SARNP: variants seen among roughly 807,000 people sequenced by gnomAD.
SARNP encodes the protein SAP domain containing ribonucleoprotein.
Under a neutral mutation model 38.1 loss-of-function variants are expected in SARNP, and 5 were observed. The ratio of observed to expected loss-of-function variants is 0.13; its 90% CI spans 0.07 to 0.28. The LOEUF is 0.28. Among genes scored for constraint, SARNP ranks in the 10% least tolerant of loss-of-function variants. The pLI is 1.00. For synonymous variants in SARNP, 84 were observed against 80.6 expected, an observed-to-expected ratio of 1.04 and a Z score of -0.23; for missense variants, 180 against 243.9, an observed-to-expected ratio of 0.74 and a Z score of 1.75.
chr12:55,759,677 G>A lies in SARNP; in HGVS notation c.591+874C>T, dbSNP rs559813470. 3.3e-5 allele frequency among the ~76,000 whole-genome samples: 5 copies of A among 152,264 alleles called. No homozygotes were observed. In the East Asian group the frequency reaches 7.7e-4, roughly 23 times the overall value. On this transcript the variant is annotated intron_variant, in intron 10 of 10. Coordinates refer to ENST00000336133, the MANE Select transcript of SARNP (RefSeq NM_033082.4). ...GCTGATCTTGAACTCTCGACCTCAG[G>A]TAATCTGCCTGCCTCAGCCTCCCAA...
At chr12:55,794,235 T>A (rs779097377) in intron 7 of SARNP, 124 bp downstream of exon 7, 11 of 860,846 alleles carry the variant, frequency 1.3e-5, no homozygotes, top group Non-Finnish European at 1.9e-5. Context: ...GAGATGAATG[T>A]TACAATCTCT....
chr12:55,794,305 C>T, intron 7 of SARNP, 54 bp downstream of exon 7: 1 of 1,470,278 alleles, frequency 6.8e-7, no homozygotes, highest in Non-Finnish European at 9.5e-7. Context: ...CCTGTTATAC[C>T]AGAAAAGAAA....
chr12:55,771,670 G>A (rs1209491264), intron 9 of SARNP, among the ~76,000 whole-genome samples: 1 of 152,166 alleles, frequency 6.6e-6, no homozygotes, highest in Non-Finnish European at 1.5e-5. Flanking sequence ...GAGCTAAGAT[G>A]TCATATTTCA....
chr12:55,811,478 G>A (rs1880325524), intron 1 of SARNP, among the ~76,000 whole-genome samples: 1 of 151,912 alleles, frequency 6.6e-6, no homozygotes, highest in Admixed American at 6.6e-5. Context: ...AGGGGCTGAG[G>A]TGGATCACTT....
At chr12:55,807,629 C>G (rs1366155598) in intron 1 of SARNP, among the ~76,000 whole-genome samples, 1 of 147,980 alleles carries the variant, frequency 6.8e-6, no homozygotes, top group South Asian at 2.1e-4. Context: ...GGTGAAACCC[C>G]GTCTCTACTA....
intron 4 of SARNP, among the ~76,000 whole-genome samples, chr12:55,798,429 C>CG (rs1879881019): frequency 6.6e-6 from 1 of 152,134 alleles, no homozygotes; most frequent in African/African-American, 2.4e-5. Flanking sequence ...AGCCGGGAAA[C>CG]GGAGGTTGCA....
intron 1 of SARNP, 47 bp from the exon 2 acceptor site, chr12:55,803,775 C>A: frequency 4.8e-6 from 6 of 1,262,304 alleles, no homozygotes; most frequent in Non-Finnish European, 6.9e-6. Context: ...AGGATGAACA[C>A]CAGTGAATAA....
Position 55,775,376 on chromosome 12 carries a change from A to G in SARNP, c.501+13699T>C, listed in dbSNP as rs1426694863. On this transcript the variant is annotated intron_variant, in intron 9 of 10. Coordinates refer to ENST00000336133, the MANE Select transcript of SARNP (RefSeq NM_033082.4). ...GGAGTTCGAGACCAGCCTGGCCAAC[A>G]TGGGTGAAACCCGGCCTCTACCAAA... Among the ~76,000 whole-genome samples, 3 of 222 alleles carry G rather than the reference A, an allele frequency of 0.014. No homozygotes were observed. In the East Asian group the frequency reaches 0.3, roughly 22 times the overall value. The allele number at this position is 222 out of a possible 152,430, so 0.1% of individuals were successfully genotyped here. A position where few individuals can be genotyped will look rare whatever the true frequency, so the allele number is the denominator to read the frequency against.
At chr12:55,763,324 T>TCC (rs200816343) in intron 9 of SARNP, among the ~76,000 whole-genome samples, 14 of 148,518 alleles carry the variant, frequency 9.4e-5, no homozygotes, top group Admixed American at 1.3e-4. Context: ...TTTTTTTTTT[T>TCC]CCCCAGAGAC....
At chr12:55,811,592 CAAA>C in intron 1 of SARNP, among the ~76,000 whole-genome samples, 1 of 152,038 alleles carries the variant, frequency 6.6e-6, no homozygotes, top group Non-Finnish European at 1.5e-5. Context: ...AACAAACAAA[CAAA>C]CAAACAAACA....
intron 9 of SARNP, among the ~76,000 whole-genome samples, chr12:55,785,023 G>A (rs1879449217): frequency 6.6e-6 from 1 of 152,168 alleles, no homozygotes; most frequent in Non-Finnish European, 1.5e-5. Flanking sequence ...TCTTACCAGT[G>A]TGTAAAGGTC....
intron 2 of SARNP, among the ~76,000 whole-genome samples, chr12:55,802,963 GAAAT>G (rs1377769085): frequency 2.1e-5 from 3 of 143,686 alleles, no homozygotes; most frequent in African/African-American, 7.7e-5. Context: ...AAAAAAATGA[GAAAT>G]AAAGCAAGGC....
chr12:55,788,759 C>A (rs972179637), intron 9 of SARNP, among the ~76,000 whole-genome samples: 1 of 152,078 alleles, frequency 6.6e-6, no homozygotes, highest in Non-Finnish European at 1.5e-5. Flanking sequence ...GTGATCGCAC[C>A]ACTGCACTCC....
At chr12:55,796,466 G>A (rs865886674) in intron 4 of SARNP, among the ~76,000 whole-genome samples, 3 of 152,152 alleles carry the variant, frequency 2.0e-5, no homozygotes, top group Admixed American at 6.5e-5. Context: ...GCAATGGCAC[G>A]ATCTCAGCTC....
intron 4 of SARNP, 79 bp downstream of exon 4, chr12:55,800,483 G>T (rs1879945619): frequency 1.9e-6 from 2 of 1,046,190 alleles, no homozygotes; most frequent in East Asian, 4.8e-5. Flanking sequence ...CATGTAAGAG[G>T]TAAACAAAGT....
intron 9 of SARNP, among the ~76,000 whole-genome samples, chr12:55,765,114 C>G (rs971236743): frequency 6.6e-6 from 1 of 152,128 alleles, no homozygotes; most frequent in Admixed American, 6.6e-5. Flanking sequence ...GTTAAACTAC[C>G]ATTATAAACT....
chr12:55,792,350 A>C (rs1043168582), intron 7 of SARNP, among the ~76,000 whole-genome samples: 1 of 151,986 alleles, frequency 6.6e-6, no homozygotes, highest in African/African-American at 2.4e-5. Context: ...TTAAGTTTTA[A>C]GTTCCTGAGA....
chr12:55,788,834 C>T (rs1050350967), intron 9 of SARNP, among the ~76,000 whole-genome samples: 8 of 152,056 alleles, frequency 5.3e-5, no homozygotes, highest in Non-Finnish European at 7.4e-5. Context: ...GAAATGTAGA[C>T]CACGCTCTAG....
chr12:55,759,557 C>T (rs1474547788), intron 10 of SARNP, among the ~76,000 whole-genome samples: 1 of 151,964 alleles, frequency 6.6e-6, no homozygotes, highest in African/African-American at 2.4e-5. Context: ...ATTACAGGCA[C>T]ATGCCACTGC....
Sources: gnomAD v4.1 joint callset for allele counts (sites outside exome capture counted in the v4.1 genomes callset) on GRCh38, gnomAD v4.1.1 for gene constraint, MANE v1.5 for transcripts, NCBI Gene and HGNC (gene_info 2026-07-23, HGNC 2026-07-21) for gene names.